Variants in CDH9 observed in about 807,000 individuals in gnomAD.
CDH9 encodes the protein cadherin-9.
In CDH9, 28 loss-of-function variants were observed where a neutral mutation model predicts 70.9. The observed-to-expected ratio is 0.40, with a 90% CI of 0.29 to 0.54. CDH9 has a LOEUF of 0.54. Ranked by LOEUF, CDH9 falls within the 20% of genes least tolerant of loss-of-function variation. The pLI, the probability that CDH9 is intolerant of heterozygous loss-of-function variation, is 0.59. For synonymous variants in CDH9, 409 were observed against 343.1 expected (o/e 1.19, Z -2.12); for missense variants, 874 against 984.4 (o/e 0.89, Z 1.50).
intron 1 of CDH9, among the ~76,000 whole-genome samples, chr5:27,025,174 G>T (rs1196879378): frequency 2.0e-5 from 3 of 151,666 alleles, no homozygotes; most frequent in African/African-American, 7.3e-5. Flanking sequence ...GTGTTATTTG[G>T]GGAAAGAATA....
At chr5:27,020,192 C>T (rs1301040643) in intron 1 of CDH9, among the ~76,000 whole-genome samples, 2 of 151,388 alleles carry the variant, frequency 1.3e-5, no homozygotes, top group African/African-American at 2.4e-5. Context: ...CAAATAATGC[C>T]ATGTCAATTA....
chr5:26,990,535 G>T (rs1322688861), intron 1 of CDH9, among the ~76,000 whole-genome samples: 1 of 152,002 alleles, frequency 6.6e-6, no homozygotes, highest in Non-Finnish European at 1.5e-5. Context: ...TGGAATAATT[G>T]GTAAATTTGA....
chr5:27,015,113 T>C (rs975161277), intron 1 of CDH9, among the ~76,000 whole-genome samples: 13 of 151,842 alleles, frequency 8.6e-5, no homozygotes, highest in Non-Finnish European at 1.3e-4. Flanking sequence ...TCTAAAACAC[T>C]GTAAAGTTAA....
chr5:26,891,094 A>C (rs1188658745), intron 7 of CDH9, among the ~76,000 whole-genome samples: 1 of 152,146 alleles, frequency 6.6e-6, no homozygotes, highest in East Asian at 1.9e-4. Context: ...AACTTATTTC[A>C]AATCAAAATG....
chr5:26,892,212 G>A (rs1037463671), intron 7 of CDH9, among the ~76,000 whole-genome samples: 17 of 152,126 alleles, frequency 1.1e-4, no homozygotes, highest in East Asian at 1.9e-4. Flanking sequence ...ATGTTATGCC[G>A]TACTAGTTAA....
chr5:26,940,162 C>A (rs114288558), intron 2 of CDH9, among the ~76,000 whole-genome samples: 516 of 135,778 alleles, frequency 3.8e-3, no homozygotes, highest in Non-Finnish European at 4.3e-3. Context: ...GACTCAGTTG[C>A]AAAAAAAAAA....
At position 26,993,125 on chromosome 5, in the gene CDH9, T is replaced by C. The variant is rs189882085; in HGVS notation, c.-49-4743A>G. ...TCCAAAAAAAAAAAAAAAAAGCATA[T>C]CTAAGTAACATGGAACAGAACGTTG... is the stretch of plus-strand genomic sequence containing the variant. On this transcript the variant is annotated intron_variant, in intron 1 of 11. Transcript: ENST00000231021. Among the ~76,000 whole-genome samples, 53 of 145,056 alleles carry C rather than the reference T, an allele frequency of 3.7e-4. 1 individual carries two copies. The East Asian group carries it at 9.8e-3, about 27-fold the overall frequency.
chr5:26,881,409 C>G lies in CDH9; in HGVS notation c.2097G>C (p.Gln699His). The G allele has an allele frequency of 6.2e-7, 1 of 1,613,446 alleles. No individual in the cohort carries two copies. Among genetic ancestry groups the G allele is most frequent in the Non-Finnish European group, 8.5e-7 (1 of 1,179,596 alleles). ...RRDVMPETIF[Q>H]IRRTVPLWEN... ...CCCACAGAGGCACAGTCCTCCTTAT[C>G]TGAAAAATAGTTTCAGGCATTACAT... is the stretch of plus-strand genomic sequence containing the variant. The change falls in exon 12 of 12, where the codon CAG becomes CAC. Residue 699 changes from glutamine (Q) to histidine (H), a missense_variant. Physicochemically the swap from Gln to His is conservative, Grantham distance 24. Coordinates refer to ENST00000231021, the MANE Select transcript of CDH9 (RefSeq NM_016279.4).
chr5:26,900,362 A>G (rs1304493171), intron 7 of CDH9, among the ~76,000 whole-genome samples: 1 of 152,028 alleles, frequency 6.6e-6, no homozygotes, highest in African/African-American at 2.4e-5. Flanking sequence ...ATTTTACCAA[A>G]TTTAGACAAA....
intron 2 of CDH9, among the ~76,000 whole-genome samples, chr5:26,930,338 TC>T (rs1430597924): frequency 1.3e-5 from 2 of 152,066 alleles, no homozygotes; most frequent in Admixed American, 1.3e-4. Flanking sequence ...TATAAAATTG[TC>T]CCTTGGTATA....
At chr5:26,884,405 C>T (rs1320045539) in intron 11 of CDH9, among the ~76,000 whole-genome samples, 1 of 151,984 alleles carries the variant, frequency 6.6e-6, no homozygotes, top group East Asian at 1.9e-4. Flanking sequence ...ACTTCCTGAG[C>T]GAATAAAACA....
chr5:26,967,716 T>C (rs1488213156), intron 2 of CDH9, among the ~76,000 whole-genome samples: 10 of 152,116 alleles, frequency 6.6e-5, no homozygotes, highest in African/African-American at 2.4e-4. Context: ...ACCTTTTTTT[T>C]TCAATGCTAG....
chr5:26,946,336 T>C (rs6881756), intron 2 of CDH9, among the ~76,000 whole-genome samples: 3,588 of 152,266 alleles, frequency 0.024, 144 homozygotes, highest in African/African-American at 0.081. Flanking sequence ...AGCTTGATAT[T>C]GAGCCATGTT....
At position 26,885,881 on chromosome 5, in the gene CDH9, T is replaced by A; in HGVS notation, c.1631-16A>T. ...GCTGTATTATCTGGGGGAGAAAACA[T>A]GTAAAAAAACAAAAACTTTCATATT... On this transcript the variant is annotated splice_polypyrimidine_tract_variant and intron_variant, in intron 10 of 11. Coordinates refer to ENST00000231021, the MANE Select transcript of CDH9 (RefSeq NM_016279.4). 5 of 1,607,982 alleles carry A rather than the reference T, an allele frequency of 3.1e-6. No homozygotes were observed. The highest frequency in any genetic ancestry group is 4.2e-6 in the Non-Finnish European group (5 of 1,177,404).
intron 7 of CDH9, among the ~76,000 whole-genome samples, chr5:26,896,344 C>A (rs1164825372): frequency 6.6e-6 from 1 of 151,528 alleles, no homozygotes; most frequent in African/African-American, 2.4e-5. Context: ...TGGAAATTAT[C>A]AGATATAGGG....
intron 2 of CDH9, among the ~76,000 whole-genome samples, chr5:26,972,071 G>A (rs879861727): frequency 2.6e-5 from 4 of 152,122 alleles, no homozygotes; most frequent in African/African-American, 4.8e-5. Context: ...AGATGTATTC[G>A]AGCATTTTCC....
rs1233481662 is a variant in CDH9, at chr5:27,004,018, CGAA to C, written c.-49-15639_-49-15637del. 9.2e-5 allele frequency among the ~76,000 whole-genome samples: 13 copies of C among 141,622 alleles called. No individual in the cohort carries two copies. The East Asian group carries it at 1.0e-3, about 11-fold the overall frequency. 92.9% of individuals were successfully genotyped at this position (141,622 alleles called of 152,430 possible). The stretch of plus-strand genomic sequence containing the variant: ...AATCTAAAATTGTTCTAAAAAATTA[CGAA>C]GAAGAAGAAGAATAAAGCAAGTTGA... On this transcript the variant is annotated intron_variant, in intron 1 of 11. Coordinates refer to ENST00000231021, the MANE Select transcript of CDH9 (RefSeq NM_016279.4).
At chr5:27,016,664 T>A (rs531950728) in intron 1 of CDH9, among the ~76,000 whole-genome samples, 150 of 151,966 alleles carry the variant, frequency 9.9e-4, no homozygotes, top group Non-Finnish European at 1.6e-3. Flanking sequence ...TTAAAACCGA[T>A]ATGCAAATTA....
chr5:26,998,115 C>T (rs1742698178), intron 1 of CDH9, among the ~76,000 whole-genome samples: 1 of 152,158 alleles, frequency 6.6e-6, no homozygotes, highest in Non-Finnish European at 1.5e-5. Context: ...CCACACCCAG[C>T]ATATAAGCAT....
Sources: allele counts gnomAD v4.1 joint callset (sites outside exome capture counted in the v4.1 genomes callset), GRCh38; gene constraint gnomAD v4.1.1; transcripts MANE v1.5; gene names NCBI Gene and HGNC (gene_info 2026-07-23, HGNC 2026-07-21).